The following RAD50 variants were observed in gnomAD, a reference collection of about 807,000 sequenced individuals.
The protein encoded by RAD50 is DNA repair protein RAD50.
RAD50 carries 132 observed loss-of-function variants against 168.8 expected under a neutral mutation model. The ratio of observed to expected loss-of-function variants is 0.78; its 90% CI spans 0.68 to 0.90. The LOEUF (loss-of-function observed/expected upper bound fraction) is 0.90. Among genes scored for constraint, RAD50 ranks in the 40% least tolerant of loss-of-function variants. The probability of loss-of-function intolerance (pLI) is 0.00; values close to 1 mark genes in which losing one functional copy is unlikely to be tolerated. For synonymous variants in RAD50, 525 were observed against 497.4 expected (o/e 1.06, Z -0.74); for missense variants, 1,347 against 1,534.4 (o/e 0.88, Z 2.04).
chr5:132,637,708 A>G (rs984779146), intron 22 of RAD50, among the ~76,000 whole-genome samples: 3 of 151,944 alleles, frequency 2.0e-5, no homozygotes, highest in African/African-American at 7.3e-5. Flanking sequence ...AATTTTTTGT[A>G]TTCTTAGTAG....
At chr5:132,576,051 C>CT in intron 3 of RAD50, 123 bp downstream of exon 3, 1 of 1,053,486 alleles carries the variant, frequency 9.5e-7, no homozygotes, top group Non-Finnish European at 1.3e-6. Flanking sequence ...AGACTTTAGA[C>CT]TTTATTTTTT....
At position 132,636,124 on chromosome 5, in the gene RAD50, GCCTCACAT is replaced by G. The variant is rs1302034738; in HGVS notation, c.3390-979_3390-972del. Among the ~76,000 whole-genome samples, 9 of 152,232 alleles carry G rather than the reference GCCTCACAT, an allele frequency of 5.9e-5. 1 individual carries two copies. In the South Asian group the frequency reaches 1.7e-3, roughly 28 times the overall value. On this transcript the variant is annotated intron_variant, in intron 21 of 24. Transcript: ENST00000378823. ...AGAGGCCTGCAAATGGAAGTAAGTCGCCTCACATCCTCACATCCTTTGTATGATGATCG... is the reference window on the plus strand; with the variant it reads ...AGAGGCCTGCAAATGGAAGTAAGTCGCCTCACATCCTTTGTATGATGATCG...
intron 24 of RAD50, chr5:132,641,715 G>A (rs1751724947): frequency 6.1e-6 from 1 of 163,344 alleles, no homozygotes; most frequent in Non-Finnish European, 1.3e-5. Flanking sequence ...AGTAGACCCA[G>A]CTCTTAAGAA....
intron 24 of RAD50, among the ~76,000 whole-genome samples, chr5:132,641,162 C>G (rs1751712204): frequency 6.6e-6 from 1 of 152,192 alleles, no homozygotes. Flanking sequence ...GCTAAGACAT[C>G]TGCAGGTAGT....
rs1247689593 is a variant in RAD50 at position 132,588,728 on chromosome 5, C to T, written c.1093C>T (p.Arg365Ter). 7 of 1,613,542 alleles carry T rather than the reference C, an allele frequency of 4.3e-6. No individual in the cohort carries two copies. The highest frequency in any genetic ancestry group is 2.7e-5 in the African/African-American group (2 of 74,776). The change falls in exon 8 of 25, where the codon CGA becomes TGA. Residue 365 changes from arginine to a stop codon, truncating the protein, a stop_gained. Coordinates refer to ENST00000378823, the MANE Select transcript of RAD50 (RefSeq NM_005732.4). LOFTEE classifies it high-confidence loss of function. ...AGCAGATCGCCATCAAGAACATATC[C>T]GAGCTAGAGATTCATTAATTCAGTC... is the stretch of plus-strand genomic sequence containing the variant. ...LQADRHQEHIRARDSLIQSLA... is the reference protein window; with the variant it reads ...LQADRHQEHI
At position 132,644,699 on chromosome 5, in the gene RAD50, G is replaced by A. The variant is rs1401902181; in HGVS notation, c.*2335G>A. ...TGAAGAGTTTAGCTCCCGGTTCAGTGTCACCCCATTACTAATAATCATTGC... is the reference window on the plus strand; with the variant it reads ...TGAAGAGTTTAGCTCCCGGTTCAGTATCACCCCATTACTAATAATCATTGC... On this transcript the variant is annotated 3_prime_UTR_variant, in exon 25 of 25. Coordinates refer to ENST00000378823, the MANE Select transcript of RAD50 (RefSeq NM_005732.4). 5.9e-6 allele frequency: 1 copy of A among 168,850 alleles called. No individual in the cohort carries two copies. Among genetic ancestry groups the A allele is most frequent in the Admixed American group, 6.4e-5 (1 of 15,616 alleles). 10.5% of individuals were successfully genotyped at this position (168,850 alleles called of 1,614,324 possible).
chr5:132,589,393 T>C (rs964368485), intron 8 of RAD50, among the ~76,000 whole-genome samples: 1 of 152,224 alleles, frequency 6.6e-6, no homozygotes. Context: ...AACAATAGGC[T>C]ATACCATATA....
chr5:132,597,639 A>G (rs1162729079), intron 13 of RAD50, among the ~76,000 whole-genome samples: 1 of 152,216 alleles, frequency 6.6e-6, no homozygotes, highest in Non-Finnish European at 1.5e-5. Context: ...AAGCCTTAAG[A>G]TGACTGCAGT....
Position 132,609,228 on chromosome 5 carries a change from T to C in RAD50, c.2922+19T>C, listed in dbSNP as rs766347777. 85 of 1,607,058 alleles carry C rather than the reference T, an allele frequency of 5.3e-5. No individual in the cohort carries two copies. The highest frequency in any genetic ancestry group is 7.0e-5 in the Non-Finnish European group (82 of 1,176,440). On this transcript the variant is annotated intron_variant, in intron 18 of 24. Coordinates refer to ENST00000378823, the MANE Select transcript of RAD50 (RefSeq NM_005732.4). ...TAAGAAGGTAATTTAAAACTTAAAA[T>C]TATTTATTTGATTGTATTTTTATTC...
chr5:132,578,525 T>TAA (rs1750441433), intron 3 of RAD50, among the ~76,000 whole-genome samples: 8 of 89,404 alleles, frequency 8.9e-5, no homozygotes, highest in Admixed American at 6.5e-4. Context: ...TTTTTCTTTC[T>TAA]TTTTTTTTTT....
chr5:132,595,763 A>T lies in RAD50; in HGVS notation c.2160A>T (p.Lys720Asn), dbSNP rs1750780942. The T allele has an allele frequency of 6.2e-7, 1 of 1,613,702 alleles. No individual in the cohort carries two copies. The highest frequency in any genetic ancestry group is 1.3e-5 in the African/African-American group (1 of 74,924). ...TCAAGTCAACAGAATCAGAGCTAAA[A>T]AAAAAGGAAAAGCGGCGTGATGAAA... ...DKLKSTESEL[K>N]KKEKRRDEML... The change falls in exon 13 of 25, where the codon AAA becomes AAT. Residue 720 changes from lysine to asparagine, a missense_variant. Physicochemically the swap from Lys to Asn is moderately conservative, Grantham distance 94 (BLOSUM62 0). Around this residue, in one of 3 missense-constraint regions of RAD50, gnomAD observed 635 missense variants for 739.2 expected, o/e 0.86. Coordinates refer to ENST00000378823, the MANE Select transcript of RAD50 (RefSeq NM_005732.4).
chr5:132,609,062 C>T (rs1178259625), intron 17 of RAD50, 55 bp from the exon 18 acceptor site: 15 of 1,599,960 alleles, frequency 9.4e-6, no homozygotes, highest in Non-Finnish European at 1.3e-5. Flanking sequence ...CTGTGCTCTC[C>T]TGTTATGTGC....
At chr5:132,619,826 CTCTCTCTCTCTA>C in intron 21 of RAD50, among the ~76,000 whole-genome samples, 1 of 121,726 alleles carries the variant, frequency 8.2e-6, no homozygotes, top group Admixed American at 7.9e-5. Flanking sequence ...CTCTCTCTCT[CTCTCTCTCTCTA>C]TATATATATA....
chr5:132,586,759 G>C (rs1750601474), intron 5 of RAD50, among the ~76,000 whole-genome samples: 2 of 152,124 alleles, frequency 1.3e-5, no homozygotes, highest in South Asian at 4.1e-4. Flanking sequence ...CAGCTACTTG[G>C]AGGCTGAGGT....
chr5:132,589,436 C>T (rs1176210284), intron 8 of RAD50, among the ~76,000 whole-genome samples, 195 bp from the exon 9 acceptor site: 3 of 152,120 alleles, frequency 2.0e-5, no homozygotes, highest in Non-Finnish European at 4.4e-5. Flanking sequence ...ACCATGTAGG[C>T]TTATGTAAAT....
intron 21 of RAD50, among the ~76,000 whole-genome samples, chr5:132,634,013 T>G (rs1329533452): frequency 6.6e-6 from 1 of 152,244 alleles, no homozygotes; most frequent in Non-Finnish European, 1.5e-5. Flanking sequence ...GATTTTCCTT[T>G]GTATACCAAC....
chr5:132,642,737 T>A lies in RAD50; in HGVS notation c.*373T>A, dbSNP rs912131979. 6 of 382,682 alleles carry A rather than the reference T, an allele frequency of 1.6e-5. No individual in the cohort carries two copies. The highest frequency in any genetic ancestry group is 8.1e-5 in the African/African-American group (4 of 49,418). 23.7% of individuals were successfully genotyped at this position (382,682 alleles called of 1,614,324 possible). On this transcript the variant is annotated 3_prime_UTR_variant, in exon 25 of 25. Transcript: ENST00000378823. ...AAAATTTATGGTTTTGGTATTTTTT[T>A]AAATCATAGTTAAATGTTACCTCTG...
chr5:132,598,287 G>A (rs1750827282), intron 13 of RAD50, among the ~76,000 whole-genome samples: 1 of 151,688 alleles, frequency 6.6e-6, no homozygotes, highest in Admixed American at 6.6e-5. Flanking sequence ...CTCACCTCAG[G>A]CAATCGCCTG....
At chr5:132,641,465 G>A (rs1037474004) in intron 24 of RAD50, among the ~76,000 whole-genome samples, 1 of 152,206 alleles carries the variant, frequency 6.6e-6, no homozygotes, top group African/African-American at 2.4e-5. Flanking sequence ...GGGCCAGAAG[G>A]AGAGCTCAGC....
Sources: allele counts gnomAD v4.1 joint callset (sites outside exome capture counted in the v4.1 genomes callset), GRCh38; gene constraint gnomAD v4.1.1; regional missense constraint gnomAD v4.1.1; transcripts MANE v1.5; gene names NCBI Gene and HGNC (gene_info 2026-07-23, HGNC 2026-07-21).